Variants in WWP1 observed in about 807,000 individuals in gnomAD.
WWP1 encodes NEDD4-like E3 ubiquitin-protein ligase WWP1.
In WWP1, 49 loss-of-function variants were observed where a neutral mutation model predicts 130.6. The observed-to-expected ratio is 0.38, with a 90% confidence interval of 0.30 to 0.48. The LOEUF (loss-of-function observed/expected upper bound fraction) is 0.48. Ranked by LOEUF, WWP1 falls within the 20% of genes least tolerant of loss-of-function variation. The pLI, the probability that WWP1 is intolerant of heterozygous loss-of-function variation, is 0.99. For synonymous variants in WWP1, 332 were observed against 367.8 expected, an observed-to-expected ratio of 0.90 and a Z score of 1.11; for missense variants, 809 against 1,100.6, an observed-to-expected ratio of 0.74 and a Z score of 3.75.
chr8:86,349,493 C>T (rs1312930438), intron 1 of WWP1, among the ~76,000 whole-genome samples: 2 of 152,226 alleles, frequency 1.3e-5, no homozygotes, highest in Non-Finnish European at 2.9e-5. Context: ...AGTATAACAT[C>T]AGCTTTACTA....
rs1254229169 is a variant in WWP1 at position 86,448,443 on chromosome 8, A to G, written c.2203A>G (p.Thr735Ala). The G allele has an allele frequency of 6.2e-7, 1 of 1,613,808 alleles. No individual in the cohort carries two copies. The highest frequency in any genetic ancestry group is 1.7e-5 in the Admixed American group (1 of 60,022). ...SVDMEILGKVTSHDLKLGGSN... is the reference protein window; with the variant it reads ...SVDMEILGKVASHDLKLGGSN... Reference sequence around the variant, plus strand: ...TGACATGGAGATTTTGGGAAAAGTTACTTCACATGACCTGAAGTTGGGAGG... The same window carrying G: ...TGACATGGAGATTTTGGGAAAAGTTGCTTCACATGACCTGAAGTTGGGAGG... Residue 735 changes from threonine to alanine, a missense_variant, in exon 20 of 25, where the codon ACT becomes GCT. By Grantham distance (58) the Thr-to-Ala change is moderately conservative (BLOSUM62 0). Coordinates refer to ENST00000517970, the MANE Select transcript of WWP1 (RefSeq NM_007013.4).
At chr8:86,398,748 T>A in intron 7 of WWP1, 110 bp downstream of exon 7, 1 of 1,149,288 alleles carries the variant, frequency 8.7e-7, no homozygotes. Context: ...GTTTAGAAGC[T>A]TATGTCTAAG....
intron 5 of WWP1, among the ~76,000 whole-genome samples, chr8:86,386,456 C>T (rs983956972): frequency 7.3e-6 from 1 of 137,056 alleles, no homozygotes; most frequent in African/African-American, 2.7e-5. Context: ...CCCTTCCTTT[C>T]CTCCTCGTTC....
intron 5 of WWP1, among the ~76,000 whole-genome samples, chr8:86,395,890 A>G (rs1807633120): frequency 6.6e-6 from 1 of 152,144 alleles, no homozygotes; most frequent in Non-Finnish European, 1.5e-5. Flanking sequence ...AAAATGAAAG[A>G]ATTTACCAAG....
intron 8 of WWP1, 25 bp downstream of exon 8, chr8:86,402,228 T>A: frequency 6.2e-7 from 1 of 1,605,444 alleles, no homozygotes; most frequent in Non-Finnish European, 8.5e-7. Flanking sequence ...TTATGACACC[T>A]TGTTTAAAGG....
At chr8:86,445,026 T>C (rs1025287461) in intron 18 of WWP1, among the ~76,000 whole-genome samples, 94 of 152,102 alleles carry the variant, frequency 6.2e-4, no homozygotes, top group African/African-American at 2.1e-3. Context: ...CTTCCACTCA[T>C]GGCACAAGGG....
chr8:86,389,881 G>GC (rs1447966569), intron 5 of WWP1, among the ~76,000 whole-genome samples: 3 of 150,400 alleles, frequency 2.0e-5, no homozygotes, highest in East Asian at 4.0e-4. Flanking sequence ...GGCGGGGGCT[G>GC]CCCCCCACCT....
At chr8:86,361,079 C>T (rs993372900) in intron 1 of WWP1, among the ~76,000 whole-genome samples, 3 of 152,122 alleles carry the variant, frequency 2.0e-5, no homozygotes, top group Admixed American at 1.3e-4. Context: ...AATGAGAGAA[C>T]GTTGGAAACA....
chr8:86,366,668 A>T (rs749434700), intron 1 of WWP1, among the ~76,000 whole-genome samples: 10 of 152,168 alleles, frequency 6.6e-5, no homozygotes, highest in Non-Finnish European at 1.5e-4. Flanking sequence ...TCTTTGAGAT[A>T]CATCAAGAGA....
At chr8:86,396,290 G>T (rs1419904355) in intron 5 of WWP1, among the ~76,000 whole-genome samples, 1 of 151,982 alleles carries the variant, frequency 6.6e-6, no homozygotes, top group South Asian at 2.1e-4. Context: ...TTGTAGAGAC[G>T]GGGTTTCACC....
intron 9 of WWP1, among the ~76,000 whole-genome samples, chr8:86,422,359 T>TTATA (rs1444980872): frequency 7.5e-6 from 1 of 132,528 alleles, no homozygotes; most frequent in African/African-American, 2.6e-5. Flanking sequence ...ATTTATTTAT[T>TTATA]TATATTTTAT....
Position 86,411,873 on chromosome 8 carries a change from G to T in WWP1, c.1060G>T (p.Gly354Trp). The T allele has an allele frequency of 1.9e-6, 3 of 1,599,146 alleles. No homozygotes were observed. The highest frequency in any genetic ancestry group is 2.6e-6 in the Non-Finnish European group (3 of 1,171,170). Reference protein sequence around the residue: ...GNANTETLPSGWEQRKDPHGR... With the variant: ...GNANTETLPSWWEQRKDPHGR... ...TGCCAACACAGAAACCTTGCCATCA[G>T]GGTATGTTAAGCTTTTTAATGTCTG... Residue 354 changes from glycine (G) to tryptophan (W), a missense_variant and splice_region_variant, in exon 9 of 25, where the codon GGG becomes TGG. Gly to Trp is a radical substitution (Grantham distance 184). This residue lies in a region of WWP1 where 97 missense variants were observed against 80.4 expected (regional missense o/e 1.21). Coordinates refer to ENST00000517970, the MANE Select transcript of WWP1 (RefSeq NM_007013.4).
chr8:86,409,761 G>A (rs1808484570), intron 8 of WWP1, among the ~76,000 whole-genome samples: 1 of 151,900 alleles, frequency 6.6e-6, no homozygotes, highest in South Asian at 2.1e-4. Context: ...CTGGGGGGCT[G>A]AGGAAGGAGA....
intron 10 of WWP1, 32 bp downstream of exon 10, chr8:86,425,350 A>C (rs1289583878): frequency 6.5e-7 from 1 of 1,527,884 alleles, no homozygotes. Flanking sequence ...ATTTGTAATT[A>C]TATTTTATCA....
In WWP1 at chr8:86,467,753, A is replaced by G. The variant is rs903050812; in HGVS notation, c.*860A>G. 2 of 152,214 alleles carry G rather than the reference A, an allele frequency of 1.3e-5. No individual in the cohort carries two copies. The highest frequency in any genetic ancestry group is 2.9e-5 in the Non-Finnish European group (2 of 68,018). The allele number at this position is 152,214 out of a possible 1,614,324, so 9.4% of individuals were successfully genotyped here. A position where few individuals can be genotyped will look rare whatever the true frequency, so the allele number is the denominator to read the frequency against. ...TTGATGCAATTTCATACTTAGGAAC[A>G]TACAAAAGGTAATGTAAACTCTGCC... On this transcript the variant is annotated 3_prime_UTR_variant, in exon 25 of 25. Coordinates refer to ENST00000517970, the MANE Select transcript of WWP1 (RefSeq NM_007013.4).
chr8:86,357,881 A>G (rs1300788152), intron 1 of WWP1, among the ~76,000 whole-genome samples: 4 of 152,176 alleles, frequency 2.6e-5, no homozygotes, highest in South Asian at 2.1e-4. Context: ...AGTATTAACA[A>G]TTTGGCTGTT....
Position 86,380,754 on chromosome 8 carries a change from G to A in WWP1, c.99G>A (p.Lys33=). The A allele has an allele frequency of 1.2e-6, 2 of 1,609,678 alleles. No homozygotes were observed. The highest frequency in any genetic ancestry group is 1.7e-6 in the Non-Finnish European group (2 of 1,178,676). Residue 33 remains lysine, a synonymous_variant, in exon 4 of 25, where the codon AAG becomes AAA. Coordinates refer to ENST00000517970, the MANE Select transcript of WWP1 (RefSeq NM_007013.4). Reference sequence around the variant, plus strand: ...CTAGTGCCAAACTTAAAAGAAAAAAGAACTGGTTCGGAACAGCAATATATA... The same window carrying A: ...CTAGTGCCAAACTTAAAAGAAAAAAAAACTGGTTCGGAACAGCAATATATA... ...TVSSAKLKRK[K]NWFGTAIYTE... is the part of the protein sequence containing the mutation.
At chr8:86,401,739 A>G (rs989347896) in intron 7 of WWP1, among the ~76,000 whole-genome samples, 2 of 152,132 alleles carry the variant, frequency 1.3e-5, no homozygotes, top group African/African-American at 4.8e-5. Context: ...GTATGTTTGT[A>G]TATCTCAGTA....
intron 2 of WWP1, among the ~76,000 whole-genome samples, 157 bp downstream of exon 2, chr8:86,369,188 G>A (rs895905733): frequency 8.5e-5 from 13 of 152,150 alleles, no homozygotes; most frequent in Non-Finnish European, 1.3e-4. Context: ...TCATCTCTAA[G>A]ATAGACAGAG....
Sources: allele counts gnomAD v4.1 joint callset (sites outside exome capture counted in the v4.1 genomes callset), GRCh38; gene constraint gnomAD v4.1.1; regional missense constraint gnomAD v4.1.1; transcripts MANE v1.5; gene names NCBI Gene and HGNC (gene_info 2026-07-23, HGNC 2026-07-21).